Variants in LPA observed in about 807,000 individuals in gnomAD.
LPA encodes apolipoprotein(a).
In LPA, 199 loss-of-function variants were observed where a neutral mutation model predicts 197.9. The observed-to-expected ratio is 1.01, with a 90% CI of 0.90 to 1.13. LPA has a LOEUF of 1.13. Ranked by LOEUF, LPA falls within the 50% of genes most tolerant of loss-of-function variation. The probability of loss-of-function intolerance (pLI) is 0.00; values close to 1 mark genes in which losing one functional copy is unlikely to be tolerated. For synonymous variants in LPA, 715 were observed against 639.5 expected, an observed-to-expected ratio of 1.12 and a Z score of -1.78; for missense variants, 1,853 against 1,785.8, an observed-to-expected ratio of 1.04 and a Z score of -0.68.
intron 28 of LPA, among the ~76,000 whole-genome samples, chr6:160,558,824 G>C (rs1156734342): frequency 1.2e-4 from 19 of 152,120 alleles, no homozygotes; most frequent in Admixed American, 1.2e-3. Flanking sequence ...GACCCAACTT[G>C]TCAGAATCCT....
intron 27 of LPA, 24 bp from the exon 28 acceptor site, chr6:160,577,319 A>G (rs1778703834): frequency 1.9e-6 from 3 of 1,609,368 alleles, no homozygotes; most frequent in African/African-American, 1.3e-5. Flanking sequence ...AAAATAAATC[A>G]TACTCAGTAA....
Position 160,600,013 on chromosome 6 carries a change from G to T in LPA, c.3128-354C>A, listed in dbSNP as rs41270994. Among the ~76,000 whole-genome samples the T allele has an allele frequency of 3.8e-3, 586 of 152,304 alleles. 6 individuals are homozygous for T. Among genetic ancestry groups the T allele is most frequent in the African/African-American group, 0.013 (561 of 41,562 alleles). On this transcript the variant is annotated intron_variant, in intron 19 of 38. Coordinates refer to ENST00000316300, the MANE Select transcript of LPA (RefSeq NM_005577.4). ...CATAGAAGAAAGGGTGATGCATTTGGCAAAGCTGAAAAGCAAGTCTCCAAG... is the reference window on the plus strand; with the variant it reads ...CATAGAAGAAAGGGTGATGCATTTGTCAAAGCTGAAAAGCAAGTCTCCAAG...
chr6:160,566,603 C>T (rs973410571), intron 28 of LPA, among the ~76,000 whole-genome samples: 6 of 152,100 alleles, frequency 3.9e-5, no homozygotes, highest in South Asian at 2.1e-4. Flanking sequence ...AAATAACCAG[C>T]GAACATCATG....
intron 1 of LPA, among the ~76,000 whole-genome samples, chr6:160,653,392 AG>A (rs1467956896): frequency 1.3e-5 from 2 of 152,166 alleles, no homozygotes; most frequent in Admixed American, 6.6e-5. Context: ...AGGATACAGA[AG>A]AACACCAGCA....
chr6:160,587,726 C>T (rs1562333073), intron 24 of LPA, among the ~76,000 whole-genome samples: 1 of 149,426 alleles, frequency 6.7e-6, no homozygotes, highest in Non-Finnish European at 1.5e-5. Context: ...GCCCTTGAGG[C>T]TCTGTTGATT....
At chr6:160,545,963 A>T (rs1160875682) in intron 32 of LPA, among the ~76,000 whole-genome samples, 2 of 152,220 alleles carry the variant, frequency 1.3e-5, no homozygotes, top group Non-Finnish European at 2.9e-5. Context: ...TCCACAGCCA[A>T]GACACACAAA....
chr6:160,573,992 G>T lies in LPA; in HGVS notation c.4631+3144C>A, dbSNP rs1778609203. 2.0e-5 allele frequency among the ~76,000 whole-genome samples: 3 copies of T among 152,148 alleles called. No homozygotes were observed. The South Asian group carries it at 6.2e-4, about 32-fold the overall frequency. Reference sequence around the variant, plus strand: ...ATATGCTCTTTGTCTTCTGCTACCAGGGTGGGTAGGGAAGGACCATCAGTT... The same window carrying T: ...ATATGCTCTTTGTCTTCTGCTACCATGGTGGGTAGGGAAGGACCATCAGTT... On this transcript the variant is annotated intron_variant, in intron 28 of 38. Transcript: ENST00000316300.
rs772483615 is a variant in LPA, at chr6:160,547,945, A to AAAAAAT, written c.5156-14_5156-9dup. ...CATTCCCAAACATACAGTCTGTAGA[A>AAAAAAT]AAAAATAAAAATAAAACAGATGATT... On this transcript the variant is annotated splice_polypyrimidine_tract_variant and intron_variant, in intron 31 of 38. Transcript: ENST00000316300. 45 of 1,613,912 alleles carry AAAAAAT rather than the reference A, an allele frequency of 2.8e-5. No homozygotes were observed. Among genetic ancestry groups the AAAAAAT allele is most frequent in the Non-Finnish European group, 3.5e-5 (41 of 1,179,982 alleles).
At chr6:160,578,488 C>T (rs774944402) in intron 27 of LPA, 35 bp downstream of exon 27, 8 of 1,612,378 alleles carry the variant, frequency 5.0e-6, no homozygotes, top group South Asian at 4.4e-5. Flanking sequence ...GGTTTTTCAT[C>T]CCAGTATATA....
chr6:160,643,099 T>TGTGG (rs1779867886), intron 4 of LPA, among the ~76,000 whole-genome samples: 1 of 149,920 alleles, frequency 6.7e-6, no homozygotes, highest in African/African-American at 2.4e-5. Context: ...TGTGTGTGTG[T>TGTGG]GTGTGTGTGT....
In LPA at chr6:160,611,474, G is replaced by C. The variant is rs549449313; in HGVS notation, c.2603+88C>G. On this transcript the variant is annotated intron_variant, in intron 16 of 38. Transcript: ENST00000316300. ...ACCATCTGAATCTGACACAAGTTGA[G>C]TTCGGAGAACTCAGCTTGAAGCATG... The C allele has an allele frequency of 1.1e-5, 17 of 1,568,308 alleles. 1 individual carries two copies. The African/African-American group carries it at 1.9e-4, about 17-fold the overall frequency.
chr6:160,647,195 T>C (rs1779905077), intron 2 of LPA, among the ~76,000 whole-genome samples: 1 of 152,098 alleles, frequency 6.6e-6, no homozygotes, highest in African/African-American at 2.4e-5. Context: ...GTGGGTCCCA[T>C]GGCATAAAGG....
intron 18 of LPA, among the ~76,000 whole-genome samples, chr6:160,601,499 G>A (rs1397079521): frequency 6.6e-6 from 1 of 152,122 alleles, no homozygotes; most frequent in Non-Finnish European, 1.5e-5. Flanking sequence ...CTAGCTCTCC[G>A]TATCTCTCTG....
chr6:160,610,948 C>T (rs1406069311), intron 16 of LPA, among the ~76,000 whole-genome samples: 6 of 152,188 alleles, frequency 3.9e-5, no homozygotes, highest in Non-Finnish European at 2.9e-5. Context: ...GTGGTCAGAC[C>T]AGGGCTTCTA....
In LPA at chr6:160,547,987, C is replaced by A. The variant is rs765264997; in HGVS notation, c.5156-50G>T. The A allele has an allele frequency of 1.3e-5, 21 of 1,585,976 alleles. No individual in the cohort carries two copies. In the South Asian group the frequency reaches 2.2e-4, roughly 17 times the overall value. On this transcript the variant is annotated intron_variant, in intron 31 of 38. Transcript: ENST00000316300. Reference sequence around the variant, plus strand: ...CAGATGATTACAGACAGCCAGGCAGCCACATAGACCCAGGACGATACAGAA... The same window carrying A: ...CAGATGATTACAGACAGCCAGGCAGACACATAGACCCAGGACGATACAGAA...
intron 16 of LPA, 145 bp downstream of exon 16, chr6:160,611,417 T>G (rs1167491732): frequency 9.4e-6 from 14 of 1,485,736 alleles, no homozygotes; most frequent in South Asian, 1.1e-5. Flanking sequence ...GACCCTTAGC[T>G]CCAAGGAAAT....
Position 160,605,174 on chromosome 6 carries a change from C to G in LPA, c.2817G>C (p.Glu939Asp), listed in dbSNP as rs764341997. Residue 939 changes from glutamate to aspartate, a missense_variant, in exon 18 of 39, where the codon GAG becomes GAC. Physicochemically the swap from Glu to Asp is conservative, Grantham distance 45. Coordinates refer to ENST00000316300, the MANE Select transcript of LPA (RefSeq NM_005577.4). The part of the protein sequence containing the change: ...APTEQRPGVQ[E>D]CYHGNGQSYQ... The stretch of plus-strand genomic sequence containing the variant: ...AACTCTGTCCATTTCCGTGGTAGCA[C>G]TCCTGCACCCCAGGCCTTTGCTCAG... The G allele has an allele frequency of 6.2e-7, 1 of 1,613,924 alleles. No homozygotes were observed. The highest frequency in any genetic ancestry group is 1.3e-5 in the African/African-American group (1 of 75,028).
chr6:160,600,923 CA>C lies in LPA; in HGVS notation c.3120del (p.Phe1040LeufsTer5), dbSNP rs753812356. 3.1e-6 allele frequency: 5 copies of C among 1,612,130 alleles called. No individual in the cohort carries two copies. The highest frequency in any genetic ancestry group is 3.3e-5 in the Admixed American group (2 of 59,976). Reference sequence around the variant, plus strand: ...GTCTGGCACAACTTCTTACCTTGTTCAAAAAAAGCCTCTAGGCTTGGAGCCA... The same window carrying C: ...GTCTGGCACAACTTCTTACCTTGTTCAAAAAAGCCTCTAGGCTTGGAGCCA... Reference protein sequence around the residue: ...VILAPSLEAFFEQALTEETPG... With the variant: ...VILAPSLEAFXEQALTEETPG... On this transcript the variant is annotated frameshift_variant, in exon 19 of 39. Transcript: ENST00000316300. LOFTEE classifies it high-confidence loss of function.
chr6:160,635,119 T>A lies in LPA; in HGVS notation c.1075+4A>T. 9 of 1,468,796 alleles carry A rather than the reference T, an allele frequency of 6.1e-6. No individual in the cohort carries two copies. The South Asian group carries it at 1.0e-4, about 17-fold the overall frequency. The allele number at this position is 1,468,796 out of a possible 1,614,324, so 91.0% of individuals were successfully genotyped here. On this transcript the variant is annotated splice_donor_region_variant and intron_variant, in intron 7 of 38. Coordinates refer to ENST00000316300, the MANE Select transcript of LPA (RefSeq NM_005577.4). ...GTGTAGATGTCTGGCCACAGACTCCTTACCTTGTTCGGAAGGAGCCTCTAG... is the reference window on the plus strand; with the variant it reads ...GTGTAGATGTCTGGCCACAGACTCCATACCTTGTTCGGAAGGAGCCTCTAG...
Sources: allele counts gnomAD v4.1 joint callset (sites outside exome capture counted in the v4.1 genomes callset), GRCh38; gene constraint gnomAD v4.1.1; transcripts MANE v1.5; gene names NCBI Gene and HGNC (gene_info 2026-07-23, HGNC 2026-07-21).